Variants in SNX14 observed in about 807,000 individuals in gnomAD.
SNX14 encodes sorting nexin 14, also known as sorting nexin-14.
In SNX14, 93 loss-of-function variants were observed where a neutral mutation model predicts 133.8. The observed-to-expected ratio is 0.70, with a 90% CI of 0.59 to 0.83. The LOEUF (loss-of-function observed/expected upper bound fraction) is 0.83, where lower values mean the gene tolerates loss of function less well. SNX14 is among the 40% of genes least tolerant of loss of function. SNX14 has a pLI of 0.00. For missense variants in SNX14, 945 were observed against 1,094.9 expected (o/e 0.86, Z 1.93); for synonymous variants, 368 against 365.6 (o/e 1.01, Z -0.07).
intron 1 of SNX14, among the ~76,000 whole-genome samples, chr6:85,587,567 G>GT (rs1011795243): frequency 6.6e-6 from 1 of 151,954 alleles, no homozygotes; most frequent in African/African-American, 2.4e-5. Flanking sequence ...TTAGGCACAA[G>GT]TAAGTGATCC....
At chr6:85,523,529 C>T (rs932835692) in intron 21 of SNX14, among the ~76,000 whole-genome samples, 1 of 152,182 alleles carries the variant, frequency 6.6e-6, no homozygotes, top group Non-Finnish European at 1.5e-5. Flanking sequence ...AATCCCAGCA[C>T]TTTGGGAGGC....
intron 28 of SNX14, 126 bp from the exon 29 acceptor site, chr6:85,506,131 TG>T (rs1455504883): frequency 4.5e-6 from 3 of 661,768 alleles, no homozygotes; most frequent in Admixed American, 5.5e-5. Context: ...ATAAATTGGC[TG>T]GCATATGGAG....
At chr6:85,534,701 A>C (rs1359775853) in intron 17 of SNX14, among the ~76,000 whole-genome samples, 1 of 152,232 alleles carries the variant, frequency 6.6e-6, no homozygotes, top group Admixed American at 6.5e-5. Flanking sequence ...TAAAAAATAC[A>C]TCTTCTTCCA....
At chr6:85,561,969 T>C (rs1299205427) in intron 6 of SNX14, among the ~76,000 whole-genome samples, 1 of 152,132 alleles carries the variant, frequency 6.6e-6, no homozygotes, top group African/African-American at 2.4e-5. Context: ...ACAGTACCCA[T>C]AAGCAGTTTT....
chr6:85,564,299 G>C (rs536752108), intron 6 of SNX14, among the ~76,000 whole-genome samples: 2 of 152,304 alleles, frequency 1.3e-5, no homozygotes, highest in African/African-American at 2.4e-5. Flanking sequence ...TAATGGGATG[G>C]CTGGGTCAAA....
At chr6:85,512,111 G>T (rs918880845) in intron 26 of SNX14, among the ~76,000 whole-genome samples, 1 of 152,152 alleles carries the variant, frequency 6.6e-6, no homozygotes, top group Non-Finnish European at 1.5e-5. Flanking sequence ...CATGTGGAAG[G>T]CCAGGGCTGG....
At chr6:85,517,933 T>A (rs1775611212) in intron 22 of SNX14, 58 bp from the exon 23 acceptor site, 1 of 1,579,030 alleles carries the variant, frequency 6.3e-7, no homozygotes, top group Non-Finnish European at 8.6e-7. Context: ...TAGTACATAA[T>A]CCAGCAAAAT....
At position 85,543,486 on chromosome 6, in the gene SNX14, T is replaced by C. The variant is rs1582791819; in HGVS notation, c.1264+119A>G. The C allele has an allele frequency of 2.8e-6, 3 of 1,056,984 alleles. No individual in the cohort carries two copies. In the East Asian group the frequency reaches 8.2e-5, roughly 29 times the overall value. 65.5% of individuals were successfully genotyped at this position (1,056,984 alleles called of 1,614,324 possible). A position where few individuals can be genotyped will look rare whatever the true frequency, so the allele number is the denominator to read the frequency against. On this transcript the variant is annotated intron_variant, in intron 13 of 28. Transcript: ENST00000314673. ...TTTTTCTTTAAAGCTTTCATCTCATTAGTAAAATAGAATAATAGCTGCCCA... is the reference window on the plus strand; with the variant it reads ...TTTTTCTTTAAAGCTTTCATCTCATCAGTAAAATAGAATAATAGCTGCCCA...
At position 85,543,269 on chromosome 6, in the gene SNX14, T is replaced by C. The variant is rs760271669; in HGVS notation, c.1302A>G (p.Gln434=). 6.3e-7 allele frequency: 1 copy of C among 1,597,256 alleles called. No homozygotes were observed. The highest frequency in any genetic ancestry group is 8.5e-7 in the Non-Finnish European group (1 of 1,173,998). ...ATGCTTCAAAAAGACATCTCATAGTTTGAAGTTTCACAACATCTATGTATG... is the reference window on the plus strand; with the variant it reads ...ATGCTTCAAAAAGACATCTCATAGTCTGAAGTTTCACAACATCTATGTATG... ...EGPYIDVVKL[Q]TMRCLFEAYE... is the part of the protein sequence containing the mutation. The change falls in exon 14 of 29, where the codon CAA becomes CAG. Residue 434 remains glutamine, a synonymous_variant. Coordinates refer to ENST00000314673, the MANE Select transcript of SNX14 (RefSeq NM_153816.6).
At chr6:85,563,276 A>G (rs186921321) in intron 6 of SNX14, among the ~76,000 whole-genome samples, 18 of 152,360 alleles carry the variant, frequency 1.2e-4, no homozygotes, top group Non-Finnish European at 1.6e-4. Context: ...TACGTTCAAT[A>G]TGTCAATACT....
chr6:85,508,374 C>A (rs1020577922), intron 26 of SNX14: 26 of 1,023,012 alleles, frequency 2.5e-5, no homozygotes, highest in Non-Finnish European at 2.8e-5. Context: ...TATTGTATTA[C>A]CCCACTAAGG....
intron 2 of SNX14, among the ~76,000 whole-genome samples, 174 bp from the exon 3 acceptor site, chr6:85,572,548 C>A (rs1321091260): frequency 7.6e-6 from 1 of 131,284 alleles, no homozygotes; most frequent in Non-Finnish European, 1.7e-5. Context: ...CTAAACTAAA[C>A]CATCAGAGAA....
At chr6:85,590,238 G>A (rs1405531028) in intron 1 of SNX14, among the ~76,000 whole-genome samples, 1 of 152,156 alleles carries the variant, frequency 6.6e-6, no homozygotes, top group Non-Finnish European at 1.5e-5. Context: ...ACACTTCATA[G>A]ACAAGGAACC....
At position 85,542,051 on chromosome 6, in the gene SNX14, A is replaced by G. The variant is rs1171110937; in HGVS notation, c.1390-8T>C. 6.6e-7 allele frequency: 1 copy of G among 1,519,380 alleles called. No individual in the cohort carries two copies. Among genetic ancestry groups the G allele is most frequent in the African/African-American group, 1.4e-5 (1 of 71,394 alleles). 94.1% of individuals were successfully genotyped at this position (1,519,380 alleles called of 1,614,324 possible). A position where few individuals can be genotyped will look rare whatever the true frequency, so the allele number is the denominator to read the frequency against. On this transcript the variant is annotated splice_polypyrimidine_tract_variant and splice_region_variant and intron_variant, in intron 14 of 28. Coordinates refer to ENST00000314673, the MANE Select transcript of SNX14 (RefSeq NM_153816.6). The stretch of plus-strand genomic sequence containing the variant: ...TAAAAGTTGTCTGAAATACTTTAAA[A>G]TAACAAATAATAATTATCATTTATT...
chr6:85,537,801 T>C (rs1257238579), intron 16 of SNX14, among the ~76,000 whole-genome samples: 1 of 152,022 alleles, frequency 6.6e-6, no homozygotes, highest in East Asian at 1.9e-4. Flanking sequence ...ATACAAAAAT[T>C]AGCCGGGCGA....
intron 8 of SNX14, among the ~76,000 whole-genome samples, chr6:85,548,588 T>C (rs1786591772): frequency 6.6e-6 from 1 of 152,152 alleles, no homozygotes; most frequent in Non-Finnish European, 1.5e-5. Context: ...AGCAAAGAGT[T>C]AGAGTTCTTA....
intron 21 of SNX14, among the ~76,000 whole-genome samples, chr6:85,524,225 A>G (rs1028294422): frequency 6.6e-6 from 1 of 152,054 alleles, no homozygotes; most frequent in African/African-American, 2.4e-5. Flanking sequence ...AAAAAGAGAA[A>G]CATTTATATA....
At chr6:85,582,530 C>G (rs1051053258) in intron 1 of SNX14, among the ~76,000 whole-genome samples, 1 of 151,214 alleles carries the variant, frequency 6.6e-6, no homozygotes, top group African/African-American at 2.4e-5. Context: ...AAATAGACCA[C>G]TAGCCAGACT....
intron 5 of SNX14, among the ~76,000 whole-genome samples, chr6:85,566,313 A>G (rs142403953): frequency 1.4e-3 from 218 of 152,372 alleles, no homozygotes; most frequent in African/African-American, 4.9e-3. Flanking sequence ...GTAAATTTAC[A>G]TAGCTCTCCA....
Sources: gnomAD v4.1 joint callset for allele counts (sites outside exome capture counted in the v4.1 genomes callset) on GRCh38, gnomAD v4.1.1 for gene constraint, MANE v1.5 for transcripts, NCBI Gene and HGNC (gene_info 2026-07-23, HGNC 2026-07-21) for gene names.